ZNF76: variants seen among roughly 807,000 people sequenced by gnomAD.
ZNF76 encodes the protein zinc finger protein 523.
A neutral mutation model predicts 66.9 loss-of-function variants in ZNF76; 66 were observed. The ratio of observed to expected loss-of-function variants is 0.99; its 90% CI spans 0.81 to 1.21. The LOEUF is 1.21. Among genes scored for constraint, ZNF76 ranks in the 50% most tolerant of loss-of-function variants. The pLI is 0.00. For missense variants in ZNF76, 729 were observed against 760.3 expected (o/e 0.96, Z 0.48); for synonymous variants, 275 against 296.1 (o/e 0.93, Z 0.73).
In ZNF76 at chr6:35,281,085, T is replaced by G. The variant is rs1788708434; in HGVS notation, c.-67T>G. 1 of 1,465,912 alleles carries G rather than the reference T, an allele frequency of 6.8e-7. No individual in the cohort carries two copies. Among genetic ancestry groups the G allele is most frequent in the Non-Finnish European group, 9.6e-7 (1 of 1,044,962 alleles). The allele number at this position is 1,465,912 out of a possible 1,614,324, so 90.8% of individuals were successfully genotyped here. A position where few individuals can be genotyped will look rare whatever the true frequency, so the allele number is the denominator to read the frequency against. On this transcript the variant is annotated 5_prime_UTR_variant, in exon 2 of 14. Coordinates refer to ENST00000373953, the MANE Select transcript of ZNF76 (RefSeq NM_003427.5). Reference sequence around the variant, plus strand: ...GTGACCCAGAAGGAAATCTCTGACCTCAGCTGTGGCTCTTGGTGCTGGCCA... The same window carrying G: ...GTGACCCAGAAGGAAATCTCTGACCGCAGCTGTGGCTCTTGGTGCTGGCCA...
In ZNF76 at chr6:35,295,344, A is replaced by T; in HGVS notation, c.*96A>T. 9.4e-7 allele frequency: 1 copy of T among 1,067,870 alleles called. No homozygotes were observed. The highest frequency in any genetic ancestry group is 1.4e-6 in the Non-Finnish European group (1 of 718,554). 66.1% of individuals were successfully genotyped at this position (1,067,870 alleles called of 1,614,324 possible). ...GCCCAGGCTGTGGCTGACACATAGA[A>T]GGTGGCCACATAGGTCTCTGGGGTG... On this transcript the variant is annotated 3_prime_UTR_variant, in exon 14 of 14. Transcript: ENST00000373953.
At position 35,286,387 on chromosome 6, in the gene ZNF76, C is replaced by T. The variant is rs867850680; in HGVS notation, c.220C>T (p.Arg74Cys). Residue 74 changes from arginine to cysteine, a missense_variant, in exon 4 of 14, where the codon CGC becomes TGC. Arg to Cys is a radical substitution (Grantham distance 180, BLOSUM62 -3). Coordinates refer to ENST00000373953, the MANE Select transcript of ZNF76 (RefSeq NM_003427.5). ...LEDGSMAYIH[R>C]TPREGYDPST... ...AGATGGCAGCATGGCTTACATACAC[C>T]GCACACCCAGAGGTAGGGTCACCAT... 1.4e-5 allele frequency: 22 copies of T among 1,613,922 alleles called. No individual in the cohort carries two copies. The highest frequency in any genetic ancestry group is 5.5e-5 in the South Asian group (5 of 91,086).
At chr6:35,286,715 G>GA (rs916810966) in intron 4 of ZNF76, 28 of 428,996 alleles carry the variant, frequency 6.5e-5, no homozygotes, top group East Asian at 1.6e-4. Flanking sequence ...CCAAGACCAG[G>GA]AAAAAAAACT....
chr6:35,283,464 T>C (rs1174128484), intron 2 of ZNF76, among the ~76,000 whole-genome samples: 1 of 152,226 alleles, frequency 6.6e-6, no homozygotes, highest in Non-Finnish European at 1.5e-5. Flanking sequence ...AAATGTATTA[T>C]TCAAACCCAG....
chr6:35,261,985 G>A (rs1342196767), intron 1 of ZNF76, among the ~76,000 whole-genome samples: 1 of 152,156 alleles, frequency 6.6e-6, no homozygotes, highest in African/African-American at 2.4e-5. Flanking sequence ...TTTAATAAGA[G>A]AAGATTATAT....
Position 35,290,689 on chromosome 6 carries a change from C to A in ZNF76, c.598C>A (p.Pro200Thr), listed in dbSNP as rs1203461023. 1 of 1,614,224 alleles carries A rather than the reference C, an allele frequency of 6.2e-7. No individual in the cohort carries two copies. Among genetic ancestry groups the A allele is most frequent in the South Asian group, 1.1e-5 (1 of 91,080 alleles). The stretch of plus-strand genomic sequence containing the variant: ...TGACCGTCCATACAGATGTGACTTC[C>A]CCAGCTGTGGAAAGGCCTTTGCCAC... ...TGDRPYRCDF[P>T]SCGKAFATGY... The change falls in exon 7 of 14, where the codon CCC becomes ACC. Residue 200 changes from proline to threonine, a missense_variant. Coordinates refer to ENST00000373953, the MANE Select transcript of ZNF76 (RefSeq NM_003427.5).
At position 35,294,458 on chromosome 6, in the gene ZNF76, C is replaced by T. The variant is rs1183834944; in HGVS notation, c.1497C>T (p.Val499=). ...VSADGTQTQP[V]TIITSGAVVA... ...GAAGACCTCCTTTTGTCTTTCAGGTCACAATCATTACCTCTGGGGCTGTGG... is the reference window on the plus strand; with the variant it reads ...GAAGACCTCCTTTTGTCTTTCAGGTTACAATCATTACCTCTGGGGCTGTGG... Residue 499 remains valine, a splice_region_variant and synonymous_variant, in exon 13 of 14, where the codon GTC becomes GTT. Coordinates refer to ENST00000373953, the MANE Select transcript of ZNF76 (RefSeq NM_003427.5). 1.9e-6 allele frequency: 3 copies of T among 1,611,386 alleles called. No homozygotes were observed. The highest frequency in any genetic ancestry group is 2.5e-6 in the Non-Finnish European group (3 of 1,177,806).
At chr6:35,294,995 T>C (rs547190044) in intron 13 of ZNF76, 149 bp from the exon 14 acceptor site, 277 of 621,938 alleles carry the variant, frequency 4.5e-4, no homozygotes, top group Non-Finnish European at 6.1e-4. Context: ...GTGAACTTCA[T>C]GTTTATTGGA....
At position 35,291,442 on chromosome 6, in the gene ZNF76, G is replaced by A; in HGVS notation, c.751+39G>A. 6 of 1,613,698 alleles carry A rather than the reference G, an allele frequency of 3.7e-6. No individual in the cohort carries two copies. In the South Asian group the frequency reaches 4.4e-5, roughly 12 times the overall value. On this transcript the variant is annotated intron_variant, in intron 8 of 13. Transcript: ENST00000373953. ...TGCCCACTCCAACCCCATTCCCTGGGCAAAAGGAATTCAGCTTGCCTTTCA... is the reference window on the plus strand; with the variant it reads ...TGCCCACTCCAACCCCATTCCCTGGACAAAAGGAATTCAGCTTGCCTTTCA...
intron 1 of ZNF76, 28 bp from the exon 2 acceptor site, chr6:35,281,028 C>G (rs1788702093): frequency 1.1e-6 from 1 of 941,612 alleles, no homozygotes; most frequent in Non-Finnish European, 1.7e-6. Flanking sequence ...CTGGTTAACT[C>G]ATAATGTGAT....
intron 1 of ZNF76, among the ~76,000 whole-genome samples, chr6:35,272,488 TGTGTGTGTGTGTG>T: frequency 5.5e-5 from 1 of 18,068 alleles, no homozygotes; most frequent in Non-Finnish European, 5.2e-4. Context: ...TGTGTGTGTG[TGTGTGTGTGTGTG>T]TGTGTGTGTG....
chr6:35,282,401 G>T (rs1330069825), intron 2 of ZNF76, among the ~76,000 whole-genome samples: 1 of 150,884 alleles, frequency 6.6e-6, no homozygotes, highest in Non-Finnish European at 1.5e-5. Context: ...CTGAAATTCA[G>T]ATTTACCTGG....
At position 35,267,612 on chromosome 6, in the gene ZNF76, C is replaced by T. The variant is rs572468192; in HGVS notation, c.-97+7771C>T. Among the ~76,000 whole-genome samples the T allele has an allele frequency of 3.3e-5, 5 of 152,298 alleles. No individual in the cohort carries two copies. In the South Asian group the frequency reaches 1.0e-3, roughly 32 times the overall value. On this transcript the variant is annotated intron_variant, in intron 1 of 13. Transcript: ENST00000373953. ...CAGTGAGTGCCTGCCATGTGGTGGG[C>T]ACTATGTCACATGAGGATACGATGA...
At position 35,291,734 on chromosome 6, in the gene ZNF76, A is replaced by C. The variant is rs757460472; in HGVS notation, c.928A>C (p.Thr310Pro). 1.9e-6 allele frequency: 3 copies of C among 1,607,014 alleles called. No individual in the cohort carries two copies. The highest frequency in any genetic ancestry group is 2.7e-5 in the African/African-American group (2 of 74,902). ...CTATAAGAATCACGTGCGCATCCACACAGGTGGGCTAGCTGGCATGCGAGG... is the reference window on the plus strand; with the variant it reads ...CTATAAGAATCACGTGCGCATCCACCCAGGTGGGCTAGCTGGCATGCGAGG... ...TNYKNHVRIH[T>P]GEKPYVCTVP... The change falls in exon 9 of 14, where the codon ACA becomes CCA. Residue 310 changes from threonine (T) to proline (P), a missense_variant. Coordinates refer to ENST00000373953, the MANE Select transcript of ZNF76 (RefSeq NM_003427.5).
At chr6:35,290,411 T>C in intron 6 of ZNF76, 29 bp downstream of exon 6, 4 of 1,610,296 alleles carry the variant, frequency 2.5e-6, no homozygotes, top group Non-Finnish European at 3.4e-6. Context: ...AGCCGTCAGC[T>C]CTGCAGTCTT....
Position 35,266,990 on chromosome 6 carries a change from G to A in ZNF76, c.-97+7149G>A, listed in dbSNP as rs973162160. 4.2e-4 allele frequency among the ~76,000 whole-genome samples: 64 copies of A among 151,682 alleles called. 1 individual carries two copies. Among genetic ancestry groups the A allele is most frequent in the Non-Finnish European group, 2.9e-5 (2 of 67,898 alleles). Reference sequence around the variant, plus strand: ...TAATTTTTGTATTTTTAGTAGAGACGGGGTTTCACCGTGTTAACCAGGATG... The same window carrying A: ...TAATTTTTGTATTTTTAGTAGAGACAGGGTTTCACCGTGTTAACCAGGATG... On this transcript the variant is annotated intron_variant, in intron 1 of 13. Coordinates refer to ENST00000373953, the MANE Select transcript of ZNF76 (RefSeq NM_003427.5).
At chr6:35,293,399 C>T (rs1175802806) in intron 11 of ZNF76, among the ~76,000 whole-genome samples, 1 of 152,158 alleles carries the variant, frequency 6.6e-6, no homozygotes, top group Non-Finnish European at 1.5e-5. Context: ...GGGTCTGGTC[C>T]TACTAGTGTA....
intron 1 of ZNF76, among the ~76,000 whole-genome samples, chr6:35,267,045 C>T (rs149057448): frequency 3.3e-5 from 5 of 152,078 alleles, no homozygotes; most frequent in African/African-American, 7.2e-5. Flanking sequence ...GTGATCCGCC[C>T]GCCTTGGCCT....
intron 1 of ZNF76, among the ~76,000 whole-genome samples, chr6:35,265,669 T>G (rs2150338054): frequency 6.6e-6 from 1 of 152,234 alleles, no homozygotes; most frequent in East Asian, 1.9e-4. Flanking sequence ...AGGGGAAATT[T>G]ATTCCAGTCA....
Sources: gnomAD v4.1 joint callset for allele counts (sites outside exome capture counted in the v4.1 genomes callset) on GRCh38, gnomAD v4.1.1 for gene constraint, MANE v1.5 for transcripts, NCBI Gene and HGNC (gene_info 2026-07-23, HGNC 2026-07-21) for gene names.